The following PSMB4 variants were observed in gnomAD, a reference collection of about 807,000 sequenced individuals.
The protein encoded by PSMB4 is proteasome 20S subunit beta 4.
Under a neutral mutation model 35.2 loss-of-function variants are expected in PSMB4, and 16 were observed. The ratio of observed to expected loss-of-function variants is 0.45; its 90% CI spans 0.31 to 0.69. The LOEUF (loss-of-function observed/expected upper bound fraction) is 0.69, where lower values mean the gene tolerates loss of function less well. PSMB4 is among the 30% of genes least tolerant of loss of function. The pLI, the probability that PSMB4 is intolerant of heterozygous loss-of-function variation, is 0.06. For synonymous variants in PSMB4, 144 were observed against 134.1 expected, an observed-to-expected ratio of 1.07 and a Z score of -0.51; for missense variants, 333 against 351.8, an observed-to-expected ratio of 0.95 and a Z score of 0.43.
chr1:151,400,963 C>A, intron 4 of PSMB4, 118 bp downstream of exon 4: 5 of 1,085,008 alleles, frequency 4.6e-6, no homozygotes, highest in Non-Finnish European at 7.1e-6. Context: ...TATTACTGGG[C>A]AGATGGTTTT....
At chr1:151,400,272 A>T in intron 2 of PSMB4, 85 bp downstream of exon 2, 2 of 1,492,404 alleles carry the variant, frequency 1.3e-6, no homozygotes, top group Non-Finnish European at 1.9e-6. Flanking sequence ...GGATGGGGGG[A>T]CTTGTTGCAG....
At position 151,400,079 on chromosome 1, in the gene PSMB4, G is replaced by C. The variant is rs1652761423; in HGVS notation, c.239G>C (p.Arg80Pro). The C allele has an allele frequency of 1.9e-6, 3 of 1,613,986 alleles. No homozygotes were observed. In the Admixed American group the frequency reaches 5.0e-5, roughly 27 times the overall value. The change falls in exon 2 of 7, where the codon CGT (arginine) becomes CCT (proline). Residue 80 changes from arginine to proline, a missense_variant. Physicochemically the swap from Arg to Pro is moderately radical, Grantham distance 103 (BLOSUM62 -2). Transcript: ENST00000290541. The part of the protein sequence containing the change: ...DMLGSYGSLA[R>P]FRNISRIMRV... ...CTGGGATCCTACGGCTCCTTGGCTC[G>C]TTTCCGCAACATCTCTCGCATTATG... is the stretch of plus-strand genomic sequence containing the variant.
chr1:151,401,531 C>T lies in PSMB4; in HGVS notation c.694-11C>T. The T allele has an allele frequency of 6.2e-7, 1 of 1,603,184 alleles. No homozygotes were observed. Among genetic ancestry groups the T allele is most frequent in the South Asian group, 1.1e-5 (1 of 90,840 alleles). On this transcript the variant is annotated splice_polypyrimidine_tract_variant and intron_variant, in intron 5 of 6. Transcript: ENST00000290541. Reference sequence around the variant, plus strand: ...GGCGTGGGCATTATTGAATGCTCTGCTTTCTTCCAGTTTCAAATCGCCACT... The same window carrying T: ...GGCGTGGGCATTATTGAATGCTCTGTTTTCTTCCAGTTTCAAATCGCCACT...
intron 3 of PSMB4, 77 bp downstream of exon 3, chr1:151,400,665 C>T (rs1652778177): frequency 6.2e-7 from 1 of 1,610,692 alleles, no homozygotes; most frequent in African/African-American, 1.3e-5. Context: ...TGTCTCTTCT[C>T]CCCAAGTGAA....
At chr1:151,400,219 C>T in intron 2 of PSMB4, 32 bp downstream of exon 2, 4 of 1,604,686 alleles carry the variant, frequency 2.5e-6, no homozygotes, top group Non-Finnish European at 3.4e-6. Context: ...AGAGTGGTTC[C>T]CAAGTAGAGA....
At chr1:151,401,153 C>T in intron 4 of PSMB4, 86 bp from the exon 5 acceptor site, 1 of 1,143,740 alleles carries the variant, frequency 8.7e-7, no homozygotes, top group Non-Finnish European at 1.3e-6. Context: ...ATCTTTCACT[C>T]TAATGCTTTT....
Position 151,401,334 on chromosome 1 carries a change from A to G in PSMB4, c.672A>G (p.Arg224=), listed in dbSNP as rs201140984. The G allele has an allele frequency of 5.0e-6, 8 of 1,613,970 alleles. No individual in the cohort carries two copies. In the East Asian group the frequency reaches 1.6e-4, roughly 31 times the overall value. Residue 224 remains arginine, a synonymous_variant, in exon 5 of 7, where the codon CGA becomes CGG. Coordinates refer to ENST00000290541, the MANE Select transcript of PSMB4 (RefSeq NM_002796.3). ...GCTGCATGCGAGTGCTGTACTACCGAGATGCCCGTTCTTACAACCGGGTGA... is the reference window on the plus strand; with the variant it reads ...GCTGCATGCGAGTGCTGTACTACCGGGATGCCCGTTCTTACAACCGGGTGA... ...VERCMRVLYY[R]DARSYNRFQI...
In PSMB4 at chr1:151,400,130, G is replaced by C. The variant is rs1368213434; in HGVS notation, c.290G>C (p.Gly97Ala). The C allele has an allele frequency of 6.2e-7, 1 of 1,614,178 alleles. No individual in the cohort carries two copies. The highest frequency in any genetic ancestry group is 1.3e-5 in the African/African-American group (1 of 75,040). Reference sequence around the variant, plus strand: ...CGAGTCAACAACAGTACCATGCTGGGTGCCTCTGGCGACTACGCTGATTTC... The same window carrying C: ...CGAGTCAACAACAGTACCATGCTGGCTGCCTCTGGCGACTACGCTGATTTC... ...IMRVNNSTML[G>A]ASGDYADFQY... Residue 97 changes from glycine (G) to alanine (A), a missense_variant, in exon 2 of 7, where the codon GGT becomes GCT. By Grantham distance (60) the Gly-to-Ala change is moderately conservative. Coordinates refer to ENST00000290541, the MANE Select transcript of PSMB4 (RefSeq NM_002796.3).
intron 1 of PSMB4, 52 bp from the exon 2 acceptor site, chr1:151,399,929 A>G (rs1363409043): frequency 2.6e-6 from 4 of 1,565,264 alleles, no homozygotes; most frequent in Non-Finnish European, 3.5e-6. Flanking sequence ...AGTGCGCGGA[A>G]AGAGGGCGCA....
chr1:151,400,565 C>T lies in PSMB4; in HGVS notation c.471C>T (p.Ile157=), dbSNP rs751892201. Reference sequence around the variant, plus strand: ...ACCCTTTGTGGAACACCATGGTCATCGGAGGCTATGCTGATGGAGAGAGGT... The same window carrying T: ...ACCCTTTGTGGAACACCATGGTCATTGGAGGCTATGCTGATGGAGAGAGGT... ...KMNPLWNTMV[I]GGYADGESFL... The change falls in exon 3 of 7, where the codon ATC becomes ATT. Residue 157 remains isoleucine (I), a synonymous_variant. Transcript: ENST00000290541. 5.0e-6 allele frequency: 8 copies of T among 1,613,994 alleles called. No individual in the cohort carries two copies. The East Asian group carries it at 1.1e-4, about 22-fold the overall frequency.
chr1:151,400,831 G>C lies in PSMB4; in HGVS notation c.562G>C (p.Ala188Pro). Residue 188 changes from alanine (A) to proline (P), a missense_variant, in exon 4 of 7, where the codon GCA becomes CCA. Transcript: ENST00000290541. ...CCCTTCGCTGGCCACTGGTTATGGT[G>C]CATACTTGGCTCAGGTAAGTAGTAA... ...EAPSLATGYG[A>P]YLAQPLLREV... is the part of the protein sequence containing the mutation. 1.2e-6 allele frequency: 2 copies of C among 1,614,056 alleles called. No individual in the cohort carries two copies. Among genetic ancestry groups the C allele is most frequent in the Non-Finnish European group, 1.7e-6 (2 of 1,179,916 alleles).
Position 151,399,583 on chromosome 1 carries a change from C to T in PSMB4, c.-5C>T, listed in dbSNP as rs557227842. 2 of 1,606,230 alleles carry T rather than the reference C, an allele frequency of 1.2e-6. No individual in the cohort carries two copies. Among genetic ancestry groups the T allele is most frequent in the Admixed American group, 1.7e-5 (1 of 57,268 alleles). On this transcript the variant is annotated 5_prime_UTR_variant, in exon 1 of 7. Transcript: ENST00000290541. ...GCTTTCATTTTTTCTGCTACCGTGA[C>T]TAAGATGGAAGCGTTTTTGGGGTCG... is the stretch of plus-strand genomic sequence containing the variant.
Position 151,400,542 on chromosome 1 carries a change from C to G in PSMB4, c.448C>G (p.Pro150Ala). The G allele has an allele frequency of 1.2e-6, 2 of 1,614,126 alleles. No individual in the cohort carries two copies. Among genetic ancestry groups the G allele is most frequent in the Non-Finnish European group, 1.7e-6 (2 of 1,180,024 alleles). The change falls in exon 3 of 7, where the codon CCT becomes GCT. Residue 150 changes from proline to alanine, a missense_variant. Pro to Ala is a conservative substitution (Grantham distance 27). Transcript: ENST00000290541. ...AMYSRRSKMN[P>A]LWNTMVIGGY... is the part of the protein sequence containing the mutation. ...GTACAGCCGGCGCTCGAAGATGAAC[C>G]CTTTGTGGAACACCATGGTCATCGG...
At position 151,401,286 on chromosome 1, in the gene PSMB4, C is replaced by A; in HGVS notation, c.624C>A (p.Thr208=). ...AGAAGCAGCCAGTGCTAAGCCAGAC[C>A]GAGGCCCGCGACTTAGTAGAACGCT... ...VLEKQPVLSQ[T]EARDLVERCM... Residue 208 remains threonine, a synonymous_variant, in exon 5 of 7, where the codon ACC becomes ACA. Coordinates refer to ENST00000290541, the MANE Select transcript of PSMB4 (RefSeq NM_002796.3). The A allele has an allele frequency of 1.2e-6, 2 of 1,614,078 alleles. No individual in the cohort carries two copies. Among genetic ancestry groups the A allele is most frequent in the Non-Finnish European group, 8.5e-7 (1 of 1,180,020 alleles).
At position 151,401,314 on chromosome 1, in the gene PSMB4, A is replaced by T; in HGVS notation, c.652A>T (p.Met218Leu). Residue 218 changes from methionine to leucine, a missense_variant, in exon 5 of 7, where the codon ATG (methionine) becomes TTG (leucine). By Grantham distance (15) the Met-to-Leu change is conservative. Coordinates refer to ENST00000290541, the MANE Select transcript of PSMB4 (RefSeq NM_002796.3). Reference protein sequence around the residue: ...TEARDLVERCMRVLYYRDARS... With the variant: ...TEARDLVERCLRVLYYRDARS... ...GGCCCGCGACTTAGTAGAACGCTGCATGCGAGTGCTGTACTACCGAGATGC... is the reference window on the plus strand; with the variant it reads ...GGCCCGCGACTTAGTAGAACGCTGCTTGCGAGTGCTGTACTACCGAGATGC... 5 of 1,614,182 alleles carry T rather than the reference A, an allele frequency of 3.1e-6. No homozygotes were observed. Among genetic ancestry groups the T allele is most frequent in the Non-Finnish European group, 4.2e-6 (5 of 1,180,034 alleles).
rs992948004 is a variant in PSMB4 at position 151,401,620 on chromosome 1, C to G, written c.772C>G (p.His258Asp). 1.2e-6 allele frequency: 2 copies of G among 1,606,830 alleles called. No individual in the cohort carries two copies. The highest frequency in any genetic ancestry group is 1.7e-6 in the Non-Finnish European group (2 of 1,173,598). Residue 258 changes from histidine to aspartate, a missense_variant, in exon 6 of 7, where the codon CAC (histidine) becomes GAC (aspartate). Transcript: ENST00000290541. ...TACAGAGACCAACTGGGATATTGCC[C>G]ACATGATCAGGTGAGTAATAGGGAA... ...LSTETNWDIAHMISGFE is the reference protein window; with the variant it reads ...LSTETNWDIADMISGFE
In PSMB4 at chr1:151,399,746, C is replaced by T. The variant is rs1449210366; in HGVS notation, c.140+19C>T. ...GGACCCAGTAAGTTCTCGGCGCTTT[C>T]GTTTGCGTAGCGGGAGGGACCGTGG... On this transcript the variant is annotated intron_variant, in intron 1 of 6. Transcript: ENST00000290541. 1 of 1,613,622 alleles carries T rather than the reference C, an allele frequency of 6.2e-7. No individual in the cohort carries two copies. Among genetic ancestry groups the T allele is most frequent in the Admixed American group, 1.7e-5 (1 of 59,946 alleles).
chr1:151,401,658 A>T (rs747646446), intron 6 of PSMB4, 28 bp downstream of exon 6: 2 of 1,570,846 alleles, frequency 1.3e-6, no homozygotes, highest in South Asian at 2.2e-5. Context: ...AATTGGTGAC[A>T]GACTTGGGAG....
At position 151,399,693 on chromosome 1, in the gene PSMB4, T is replaced by C; in HGVS notation, c.106T>C (p.Ser36Pro). ...STPDSFMDPA[S>P]ALYRGPITRT... is the part of the protein sequence containing the mutation. ...TCCCGATTCCTTCATGGATCCGGCG[T>C]CTGCACTTTACAGAGGTCCAATCAC... The change falls in exon 1 of 7, where the codon TCT becomes CCT. Residue 36 changes from serine to proline, a missense_variant. Physicochemically the swap from Ser to Pro is moderately conservative, Grantham distance 74. Transcript: ENST00000290541. 6.2e-7 allele frequency: 1 copy of C among 1,614,166 alleles called. No individual in the cohort carries two copies. Among genetic ancestry groups the C allele is most frequent in the Non-Finnish European group, 8.5e-7 (1 of 1,180,032 alleles).
Sources: allele counts gnomAD v4.1 joint callset, GRCh38; gene constraint gnomAD v4.1.1; transcripts MANE v1.5; gene names NCBI Gene and HGNC (gene_info 2026-07-23, HGNC 2026-07-21).